The following SMAD2 variants were observed in gnomAD, a reference collection of about 807,000 sequenced individuals.
SMAD2 encodes MAD homolog 2.
A neutral mutation model predicts 64.4 loss-of-function variants in SMAD2; 8 were observed. The ratio of observed to expected loss-of-function variants is 0.12; its 90% CI spans 0.07 to 0.22. The LOEUF is 0.22. Ranked by LOEUF, SMAD2 falls within the 10% of genes least tolerant of loss-of-function variation. SMAD2 has a pLI of 1.00. For missense variants in SMAD2, 289 were observed against 561.2 expected (o/e 0.51, Z 4.90); for synonymous variants, 203 against 195.8 (o/e 1.04, Z -0.31).
chr18:47,876,150 G>A (rs1220797413), intron 2 of SMAD2, among the ~76,000 whole-genome samples: 1 of 151,976 alleles, frequency 6.6e-6, no homozygotes, highest in Non-Finnish European at 1.5e-5. Context: ...AGATTATTAA[G>A]TTATTATAAC....
Position 47,819,346 on chromosome 18 carries a change from C to T in SMAD2, c.*22481G>A, listed in dbSNP as rs559054826. 1.6e-4 allele frequency: 25 copies of T among 152,326 alleles called. No individual in the cohort carries two copies. Among genetic ancestry groups the T allele is most frequent in the African/African-American group, 6.0e-4 (25 of 41,570 alleles). 9.4% of individuals were successfully genotyped at this position (152,326 alleles called of 1,614,324 possible). On this transcript the variant is annotated 3_prime_UTR_variant, in exon 11 of 11. Transcript: ENST00000262160. ...ACTAATTTTGTATTATTGACTTCAG[C>T]TGTGTCCTCTGAGTTACTGGCAAAA... is the stretch of plus-strand genomic sequence containing the variant.
At chr18:47,878,187 C>G (rs563723623) in intron 2 of SMAD2, 1 of 152,054 alleles carries the variant, frequency 6.6e-6, no homozygotes, top group Non-Finnish European at 1.5e-5. Context: ...TGGTGTGGTA[C>G]TGTTATTTGT....
At position 47,823,265 on chromosome 18, in the gene SMAD2, A is replaced by G. The variant is rs1912635114; in HGVS notation, c.*18562T>C. 6.6e-6 allele frequency: 1 copy of G among 152,200 alleles called. No individual in the cohort carries two copies. The highest frequency in any genetic ancestry group is 1.5e-5 in the Non-Finnish European group (1 of 68,036). 9.4% of individuals were successfully genotyped at this position (152,200 alleles called of 1,614,324 possible). Reference sequence around the variant, plus strand: ...TTCTTAGCCTCAAGGAGGTTTTTAAATCTGAGATTACTGTGACCATACTAC... The same window carrying G: ...TTCTTAGCCTCAAGGAGGTTTTTAAGTCTGAGATTACTGTGACCATACTAC... On this transcript the variant is annotated 3_prime_UTR_variant, in exon 11 of 11. Coordinates refer to ENST00000262160, the MANE Select transcript of SMAD2 (RefSeq NM_005901.6).
Position 47,841,703 on chromosome 18 carries a change from G to A in SMAD2, c.*124C>T. 1 of 1,031,748 alleles carries A rather than the reference G, an allele frequency of 9.7e-7. No individual in the cohort carries two copies. Among genetic ancestry groups the A allele is most frequent in the South Asian group, 1.3e-5 (1 of 75,164 alleles). The allele number at this position is 1,031,748 out of a possible 1,614,324, so 63.9% of individuals were successfully genotyped here. On this transcript the variant is annotated 3_prime_UTR_variant, in exon 11 of 11. Transcript: ENST00000262160. Reference sequence around the variant, plus strand: ...TTCCACAAGGTGCTTTAATTGATGAGACCTCAAGTGCTGTTTTCTCTCTTG... The same window carrying A: ...TTCCACAAGGTGCTTTAATTGATGAAACCTCAAGTGCTGTTTTCTCTCTTG...
intron 1 of SMAD2, among the ~76,000 whole-genome samples, chr18:47,917,414 T>C (rs61513611): frequency 0.5 from 75,494 of 152,016 alleles, 20,046 homozygotes; most frequent in East Asian, 0.84. Flanking sequence ...TTTTTTAAAT[T>C]TTTGTTCTCC....
chr18:47,849,031 T>C (rs1568038399), intron 7 of SMAD2, among the ~76,000 whole-genome samples: 1 of 152,198 alleles, frequency 6.6e-6, no homozygotes, highest in Non-Finnish European at 1.5e-5. Flanking sequence ...TTGCCATACT[T>C]GGTGCATTTC....
intron 1 of SMAD2, among the ~76,000 whole-genome samples, chr18:47,897,011 G>T (rs765123966): frequency 9.2e-5 from 14 of 152,140 alleles, no homozygotes; most frequent in Non-Finnish European, 1.9e-4. Flanking sequence ...CAAGAATGTT[G>T]TAAGGACTCC....
Position 47,824,925 on chromosome 18 carries a change from G to T in SMAD2, c.*16902C>A, listed in dbSNP as rs992201524. 3 of 152,098 alleles carry T rather than the reference G, an allele frequency of 2.0e-5. No individual in the cohort carries two copies. The highest frequency in any genetic ancestry group is 2.9e-5 in the Non-Finnish European group (2 of 68,026). The allele number at this position is 152,098 out of a possible 1,614,324, so 9.4% of individuals were successfully genotyped here. A position where few individuals can be genotyped will look rare whatever the true frequency, so the allele number is the denominator to read the frequency against. ...TATGATTTTAGTAGCTTTCTCTAATGGAATGTGCTGTGAGTGAAGCTTCAA... is the reference window on the plus strand; with the variant it reads ...TATGATTTTAGTAGCTTTCTCTAATTGAATGTGCTGTGAGTGAAGCTTCAA... On this transcript the variant is annotated 3_prime_UTR_variant, in exon 11 of 11. Transcript: ENST00000262160.
At position 47,819,723 on chromosome 18, in the gene SMAD2, A is replaced by G. The variant is rs1912501237; in HGVS notation, c.*22104T>C. 2 of 147,038 alleles carry G rather than the reference A, an allele frequency of 1.4e-5. No homozygotes were observed. The highest frequency in any genetic ancestry group is 2.2e-4 in the South Asian group (1 of 4,524). The allele number at this position is 147,038 out of a possible 1,614,324, so 9.1% of individuals were successfully genotyped here. The stretch of plus-strand genomic sequence containing the variant: ...AGGCAGGAGAATGGCATGAACCCAG[A>G]AGGCGGAGCTTGCAGTGAGCCGAGA... On this transcript the variant is annotated 3_prime_UTR_variant, in exon 11 of 11. Coordinates refer to ENST00000262160, the MANE Select transcript of SMAD2 (RefSeq NM_005901.6).
At chr18:47,885,149 A>G (rs908199799) in intron 2 of SMAD2, among the ~76,000 whole-genome samples, 2 of 141,292 alleles carry the variant, frequency 1.4e-5, no homozygotes, top group Non-Finnish European at 3.1e-5. Context: ...ACACACACAC[A>G]CACACACACA....
chr18:47,843,145 GCCCAGGAACTTCTCTGATATA>G (rs1348876829), intron 10 of SMAD2, among the ~76,000 whole-genome samples: 1 of 152,154 alleles, frequency 6.6e-6, no homozygotes, highest in African/African-American at 2.4e-5. Flanking sequence ...GCATTTCTGT[GCCCAGGAACTTCTCTGATATA>G]CCCAAAAAGG....
chr18:47,864,294 T>C (rs1428183994), intron 6 of SMAD2, among the ~76,000 whole-genome samples: 2 of 152,150 alleles, frequency 1.3e-5, no homozygotes, highest in African/African-American at 4.8e-5. Context: ...AACAAGAGAA[T>C]TATTGTAACC....
intron 2 of SMAD2, among the ~76,000 whole-genome samples, chr18:47,895,061 C>T (rs2033376317): frequency 6.6e-6 from 1 of 152,176 alleles, no homozygotes; most frequent in African/African-American, 2.4e-5. Context: ...ACACACATAC[C>T]ACTCTCCCGC....
rs1912435508 is a variant in SMAD2, at chr18:47,818,138, A to T, written c.*23689T>A. ...TAGAGTTGATATGTAGAGTCTTCTA[A>T]GCTCTCTAATTTTTTTTCTGCCTAC... On this transcript the variant is annotated 3_prime_UTR_variant, in exon 11 of 11. Coordinates refer to ENST00000262160, the MANE Select transcript of SMAD2 (RefSeq NM_005901.6). 6.6e-6 allele frequency: 1 copy of T among 152,196 alleles called. No individual in the cohort carries two copies. The highest frequency in any genetic ancestry group is 1.5e-5 in the Non-Finnish European group (1 of 68,042). 9.4% of individuals were successfully genotyped at this position (152,196 alleles called of 1,614,324 possible). A position where few individuals can be genotyped will look rare whatever the true frequency, so the allele number is the denominator to read the frequency against.
chr18:47,860,040 T>C (rs893690026), intron 6 of SMAD2, among the ~76,000 whole-genome samples: 8 of 151,896 alleles, frequency 5.3e-5, no homozygotes, highest in Admixed American at 3.9e-4. Flanking sequence ...GAGGCTAAAG[T>C]GGGGAAGATT....
intron 2 of SMAD2, among the ~76,000 whole-genome samples, chr18:47,880,458 T>C (rs1476053919): frequency 7.9e-5 from 12 of 152,228 alleles, no homozygotes; most frequent in Admixed American, 2.6e-4. Flanking sequence ...TGTTTATCTA[T>C]GTGGGGCTAT....
At chr18:47,909,291 G>C (rs2034028055) in intron 1 of SMAD2, among the ~76,000 whole-genome samples, 1 of 152,158 alleles carries the variant, frequency 6.6e-6, no homozygotes, top group African/African-American at 2.4e-5. Context: ...TTAAGGTGAA[G>C]GATCTAAAGC....
intron 2 of SMAD2, among the ~76,000 whole-genome samples, chr18:47,880,020 T>C (rs2144413208): frequency 6.6e-6 from 1 of 152,370 alleles, no homozygotes; most frequent in South Asian, 2.1e-4. Context: ...AAAATTAGGC[T>C]ATCTTTACAT....
At chr18:47,866,320 A>T (rs899521850) in intron 5 of SMAD2, among the ~76,000 whole-genome samples, 4 of 148,264 alleles carry the variant, frequency 2.7e-5, no homozygotes, top group Non-Finnish European at 6.0e-5. Flanking sequence ...CCGTCTCAAA[A>T]AAAAAAAAAA....
Sources: gnomAD v4.1 joint callset for allele counts (sites outside exome capture counted in the v4.1 genomes callset) on GRCh38, gnomAD v4.1.1 for gene constraint, MANE v1.5 for transcripts, NCBI Gene and HGNC (gene_info 2026-07-23, HGNC 2026-07-21) for gene names.